LRBA: variants seen among roughly 807,000 people sequenced by gnomAD.
The protein encoded by LRBA is lipopolysaccharide-responsive and beige-like anchor protein.
Under a neutral mutation model 330.0 loss-of-function variants are expected in LRBA, and 176 were observed. The ratio of observed to expected loss-of-function variants is 0.53; its 90% CI spans 0.47 to 0.60. The LOEUF (loss-of-function observed/expected upper bound fraction) is 0.60, where lower values mean the gene tolerates loss of function less well. LRBA is among the 20% of genes least tolerant of loss of function. The probability of loss-of-function intolerance (pLI) is 0.00; values close to 1 mark genes in which losing one functional copy is unlikely to be tolerated. For synonymous variants in LRBA, 1,230 were observed against 1,193.0 expected (o/e 1.03, Z -0.64); for missense variants, 3,259 against 3,444.8 (o/e 0.95, Z 1.35).
chr4:150,298,211 G>A (rs1055459344), intron 53 of LRBA, among the ~76,000 whole-genome samples: 2 of 151,996 alleles, frequency 1.3e-5, no homozygotes, highest in South Asian at 2.1e-4. Context: ...CTAAATATGT[G>A]TACAAAAATA....
intron 36 of LRBA, among the ~76,000 whole-genome samples, chr4:150,706,392 T>C (rs896758811): frequency 1.3e-5 from 2 of 151,772 alleles, no homozygotes; most frequent in Non-Finnish European, 3.0e-5. Flanking sequence ...TAGGGAAAAC[T>C]AGGTAGGCAT....
At chr4:150,329,721 T>C (rs577450171) in intron 48 of LRBA, among the ~76,000 whole-genome samples, 2 of 152,358 alleles carry the variant, frequency 1.3e-5, no homozygotes, top group African/African-American at 4.8e-5. Context: ...TAAGCACATG[T>C]ATGTCTTAGC....
At chr4:150,446,814 C>G (rs1246465235) in intron 44 of LRBA, among the ~76,000 whole-genome samples, 1 of 152,150 alleles carries the variant, frequency 6.6e-6, no homozygotes, top group African/African-American at 2.4e-5. Context: ...TAAAATTTAC[C>G]TTATTTCTCT....
intron 36 of LRBA, among the ~76,000 whole-genome samples, chr4:150,706,508 T>C (rs909089802): frequency 6.6e-6 from 1 of 151,268 alleles, no homozygotes; most frequent in Non-Finnish European, 1.5e-5. Flanking sequence ...AGAAGAAACA[T>C]ATGGGAATTC....
intron 17 of LRBA, among the ~76,000 whole-genome samples, chr4:150,885,402 T>C (rs1728844761): frequency 6.6e-6 from 1 of 151,812 alleles, no homozygotes; most frequent in South Asian, 2.1e-4. Context: ...GGGCGGGTAA[T>C]TTGAGGCCAG....
chr4:150,822,603 C>CA (rs1426925229), intron 30 of LRBA, among the ~76,000 whole-genome samples: 2 of 151,968 alleles, frequency 1.3e-5, no homozygotes, highest in Non-Finnish European at 2.9e-5. Context: ...CTCATCTCTA[C>CA]AAAAAATTTT....
intron 44 of LRBA, among the ~76,000 whole-genome samples, chr4:150,448,772 A>C (rs1385147295): frequency 1.6e-5 from 2 of 125,658 alleles, no homozygotes; most frequent in Non-Finnish European, 3.2e-5. Flanking sequence ...CTTGCACTCC[A>C]GTCTGAGCAA....
chr4:150,351,208 A>G (rs561209818), intron 47 of LRBA, among the ~76,000 whole-genome samples: 1 of 152,344 alleles, frequency 6.6e-6, no homozygotes, highest in Non-Finnish European at 1.5e-5. Flanking sequence ...GGTGAATTTA[A>G]TAACGTTATA....
chr4:150,394,873 C>T (rs1041234532), intron 47 of LRBA, among the ~76,000 whole-genome samples: 3 of 152,074 alleles, frequency 2.0e-5, no homozygotes, highest in Admixed American at 1.3e-4. Flanking sequence ...CCACCCAAGA[C>T]CAGTGAGTAC....
At chr4:150,979,219 C>T (rs535099206) in intron 2 of LRBA, among the ~76,000 whole-genome samples, 4 of 152,268 alleles carry the variant, frequency 2.6e-5, no homozygotes, top group East Asian at 1.9e-4. Context: ...CTTAAAGCCA[C>T]ATGAGAGTGG....
chr4:150,557,293 C>A (rs1410049880), intron 40 of LRBA, among the ~76,000 whole-genome samples: 1 of 151,950 alleles, frequency 6.6e-6, no homozygotes, highest in South Asian at 2.1e-4. Context: ...GAGTCCATAG[C>A]AATAATAGAT....
chr4:150,304,381 C>T (rs970491772), intron 52 of LRBA, among the ~76,000 whole-genome samples: 1 of 152,066 alleles, frequency 6.6e-6, no homozygotes, highest in Admixed American at 6.5e-5. Flanking sequence ...TTATCTAAAT[C>T]AGATGGAAAA....
In LRBA at chr4:150,583,697, G is replaced by A. The variant is rs1771704412; in HGVS notation, c.6330+4351C>T. On this transcript the variant is annotated intron_variant, in intron 40 of 56. Transcript: ENST00000651943. This position sits in a 1 kb window ranked among gnomAD's most constrained non-coding sequence, Gnocchi z 9.8. ...TGCTACTCGCTGACCGGCAAGCAGA[G>A]CTCGGCAGAGAGCGACGCCTGGGTG... The A allele has an allele frequency of 6.2e-7, 1 of 1,613,552 alleles. No individual in the cohort carries two copies. The highest frequency in any genetic ancestry group is 1.7e-5 in the Admixed American group (1 of 59,956).
At chr4:150,880,520 C>CA (rs35835464) in intron 17 of LRBA, among the ~76,000 whole-genome samples, 1,633 of 112,772 alleles carry the variant, frequency 0.014, 31 homozygotes, top group African/African-American at 0.056. Flanking sequence ...ACCCTGTCTC[C>CA]AAAAAAAAAA....
intron 33 of LRBA, 62 bp downstream of exon 33, chr4:150,806,209 C>T: frequency 8.2e-7 from 1 of 1,220,116 alleles, no homozygotes. Context: ...TTTCATTATC[C>T]ATGTAAGTTT....
At chr4:150,711,032 C>T (rs1003757543) in intron 36 of LRBA, among the ~76,000 whole-genome samples, 7 of 151,514 alleles carry the variant, frequency 4.6e-5, no homozygotes, top group Non-Finnish European at 7.4e-5. Context: ...AAGTAACAGA[C>T]GTATAAAAGA....
At chr4:150,296,711 G>A (rs1464854510) in intron 53 of LRBA, among the ~76,000 whole-genome samples, 1 of 152,012 alleles carries the variant, frequency 6.6e-6, no homozygotes, top group East Asian at 1.9e-4. Context: ...ATATAAAAAT[G>A]GTTATCTTTT....
chr4:150,501,533 G>T (rs1316850819), intron 40 of LRBA, among the ~76,000 whole-genome samples: 1 of 151,898 alleles, frequency 6.6e-6, no homozygotes, highest in Non-Finnish European at 1.5e-5. Flanking sequence ...AATCACTTGG[G>T]CCTGGGATGC....
At chr4:150,839,638 C>CA (rs1208981677) in intron 28 of LRBA, among the ~76,000 whole-genome samples, 1 of 152,092 alleles carries the variant, frequency 6.6e-6, no homozygotes, top group Non-Finnish European at 1.5e-5. Context: ...ATTGCAAGGA[C>CA]AAAAAACCAA....
Sources: allele counts gnomAD v4.1 joint callset (sites outside exome capture counted in the v4.1 genomes callset), GRCh38; gene constraint gnomAD v4.1.1; non-coding constraint Gnocchi (gnomAD v3.1); transcripts MANE v1.5; gene names NCBI Gene and HGNC (gene_info 2026-07-23, HGNC 2026-07-21).